Variants in GSPT1 observed in about 807,000 individuals in gnomAD.
The protein encoded by GSPT1 is G1 to S phase transition 1, also known as eukaryotic peptide chain release factor GTP-binding subunit ERF3A.
In GSPT1, 20 loss-of-function variants were observed where a neutral mutation model predicts 72.5. The ratio of observed to expected loss-of-function variants is 0.28; its 90% CI spans 0.19 to 0.40. The LOEUF (loss-of-function observed/expected upper bound fraction) is 0.40. GSPT1 is among the 10% of genes least tolerant of loss of function. The pLI, the probability that GSPT1 is intolerant of heterozygous loss-of-function variation, is 1.00. For synonymous variants in GSPT1, 334 were observed against 293.5 expected, an observed-to-expected ratio of 1.14 and a Z score of -1.41; for missense variants, 580 against 811.9, an observed-to-expected ratio of 0.71 and a Z score of 3.47.
intron 1 of GSPT1, among the ~76,000 whole-genome samples, chr16:11,905,769 A>AG (rs1304821595): frequency 6.6e-6 from 1 of 152,070 alleles, no homozygotes; most frequent in African/African-American, 2.4e-5. Flanking sequence ...GGGGAGGTGG[A>AG]GGTTGCAGTG....
chr16:11,880,754 G>C (rs143794592), intron 11 of GSPT1, among the ~76,000 whole-genome samples: 4 of 152,234 alleles, frequency 2.6e-5, no homozygotes, highest in African/African-American at 7.2e-5. Context: ...TTTTGAATTG[G>C]GTTGTTCAGG....
At chr16:11,888,897 A>G (rs1392465585) in intron 6 of GSPT1, among the ~76,000 whole-genome samples, 1 of 152,218 alleles carries the variant, frequency 6.6e-6, no homozygotes, top group Non-Finnish European at 1.5e-5. Flanking sequence ...ACTAACTACA[A>G]ATGCCAATAT....
intron 14 of GSPT1, among the ~76,000 whole-genome samples, chr16:11,875,026 C>CT (rs1244709772): frequency 3.9e-5 from 6 of 151,950 alleles, no homozygotes; most frequent in African/African-American, 1.2e-4. Flanking sequence ...CCCGTCTCTA[C>CT]AAAAATACAA....
At position 11,915,938 on chromosome 16, in the gene GSPT1, C is replaced by T. The variant is rs752106165; in HGVS notation, c.-218G>A. On this transcript the variant is annotated 5_prime_UTR_variant, in exon 1 of 15. Coordinates refer to ENST00000434724, the MANE Select transcript of GSPT1 (RefSeq NM_002094.4). ...GCGGCGGCGGCGGCAGCTCAACCCT[C>T]CTCCTCGTGTGTGTGAGCGGATCTC... is the stretch of plus-strand genomic sequence containing the variant. 12 of 751,462 alleles carry T rather than the reference C, an allele frequency of 1.6e-5. No individual in the cohort carries two copies. The highest frequency in any genetic ancestry group is 1.5e-4 in the South Asian group (11 of 73,894). 46.5% of individuals were successfully genotyped at this position (751,462 alleles called of 1,614,324 possible). A position where few individuals can be genotyped will look rare whatever the true frequency, so the allele number is the denominator to read the frequency against.
chr16:11,892,878 A>ACCTT (rs1304658722), intron 5 of GSPT1, among the ~76,000 whole-genome samples: 53 of 151,102 alleles, frequency 3.5e-4, no homozygotes, highest in African/African-American at 1.2e-3. Context: ...GAAAACAATA[A>ACCTT]CCTTATAGTG....
chr16:11,894,829 T>C (rs1157029785), intron 5 of GSPT1, 125 bp downstream of exon 5: 8 of 616,596 alleles, frequency 1.3e-5, no homozygotes, highest in Non-Finnish European at 2.4e-5. Context: ...TCCCAGTAAT[T>C]TTATTTTTAA....
At chr16:11,887,905 C>G (rs973583864) in intron 6 of GSPT1, among the ~76,000 whole-genome samples, 155 bp from the exon 7 acceptor site, 1 of 152,214 alleles carries the variant, frequency 6.6e-6, no homozygotes, top group Non-Finnish European at 1.5e-5. Context: ...TGGCTCACAT[C>G]TGTAATCTGA....
At chr16:11,911,962 G>A (rs2150894087) in intron 1 of GSPT1, among the ~76,000 whole-genome samples, 1 of 137,170 alleles carries the variant, frequency 7.3e-6, no homozygotes, top group East Asian at 2.1e-4. Context: ...CAGAGTGTTG[G>A]GTTTATAAGT....
At chr16:11,907,425 A>G (rs2054503307) in intron 1 of GSPT1, among the ~76,000 whole-genome samples, 1 of 152,204 alleles carries the variant, frequency 6.6e-6, no homozygotes, top group African/African-American at 2.4e-5. Context: ...ACCTCAAGAG[A>G]ATGTTGTGAA....
At chr16:11,903,464 G>A (rs1282236476) in intron 1 of GSPT1, among the ~76,000 whole-genome samples, 2 of 152,138 alleles carry the variant, frequency 1.3e-5, no homozygotes, top group Non-Finnish European at 2.9e-5. Flanking sequence ...GCAGTGAGCC[G>A]AGATTGCACC....
chr16:11,893,185 A>G (rs894846503), intron 5 of GSPT1, among the ~76,000 whole-genome samples: 3 of 152,116 alleles, frequency 2.0e-5, no homozygotes, highest in African/African-American at 7.2e-5. Context: ...AGTTGAGCAC[A>G]GGAATTTGAA....
chr16:11,880,691 T>C (rs60924385), intron 11 of GSPT1, among the ~76,000 whole-genome samples: 7,699 of 152,310 alleles, frequency 0.051, 664 homozygotes, highest in African/African-American at 0.18. Flanking sequence ...ATGTACTTTT[T>C]GGCTGTTTGT....
At position 11,871,964 on chromosome 16, in the gene GSPT1, T is replaced by TA. The variant is rs1233692282; in HGVS notation, c.*1154dup. The TA allele has an allele frequency of 6.6e-6, 1 of 152,218 alleles. No homozygotes were observed. The highest frequency in any genetic ancestry group is 1.5e-5 in the Non-Finnish European group (1 of 68,036). 9.4% of individuals were successfully genotyped at this position (152,218 alleles called of 1,614,324 possible). On this transcript the variant is annotated 3_prime_UTR_variant, in exon 15 of 15. Transcript: ENST00000434724. ...AATTTCAAATAATTGAGATAAAACT[T>TA]ATACCCTGCTTGATTCTGCTTATCG...
chr16:11,914,167 C>T (rs1455654192), intron 1 of GSPT1, among the ~76,000 whole-genome samples: 1 of 152,218 alleles, frequency 6.6e-6, no homozygotes, highest in Non-Finnish European at 1.5e-5. Context: ...GGACGTTCAG[C>T]CTTTTCCTTC....
At position 11,872,360 on chromosome 16, in the gene GSPT1, T is replaced by C. The variant is rs1025701694; in HGVS notation, c.*759A>G. 1.3e-5 allele frequency: 2 copies of C among 148,232 alleles called. No homozygotes were observed. Among genetic ancestry groups the C allele is most frequent in the Non-Finnish European group, 3.0e-5 (2 of 67,358 alleles). 9.2% of individuals were successfully genotyped at this position (148,232 alleles called of 1,614,324 possible). On this transcript the variant is annotated 3_prime_UTR_variant, in exon 15 of 15. Transcript: ENST00000434724. ...AAAACAACTTACTGTGTTCAAGAAATCATGTTACAATATAAATTGGCAAAA... is the reference window on the plus strand; with the variant it reads ...AAAACAACTTACTGTGTTCAAGAAACCATGTTACAATATAAATTGGCAAAA...
At position 11,886,453 on chromosome 16, in the gene GSPT1, G is replaced by A; in HGVS notation, c.1253+18C>T. 6.3e-7 allele frequency: 1 copy of A among 1,578,124 alleles called. No individual in the cohort carries two copies. On this transcript the variant is annotated intron_variant, in intron 9 of 14. Transcript: ENST00000434724. ...ACATCCTTTTCCTTTTTAAAAAAAG[G>A]AAAAAACAGTTACTTACATGTACCA...
intron 6 of GSPT1, among the ~76,000 whole-genome samples, chr16:11,890,613 TTGAC>T (rs1476235108): frequency 2.0e-5 from 3 of 152,128 alleles, no homozygotes; most frequent in Admixed American, 6.6e-5. Context: ...AACAAAAAAG[TTGAC>T]TGTCTCACCA....
chr16:11,903,633 G>T (rs33629), intron 1 of GSPT1, among the ~76,000 whole-genome samples: 1 of 152,048 alleles, frequency 6.6e-6, no homozygotes, highest in Non-Finnish European at 1.5e-5. Flanking sequence ...GGAGGCTGCA[G>T]TGAACCAAGA....
rs994177306 is a variant in GSPT1 at position 11,870,844 on chromosome 16, G to T, written c.*2275C>A. On this transcript the variant is annotated 3_prime_UTR_variant, in exon 15 of 15. Coordinates refer to ENST00000434724, the MANE Select transcript of GSPT1 (RefSeq NM_002094.4). Reference sequence around the variant, plus strand: ...TTGTATGACCTGTTACTTTTTAGAGGTAGGCCCTTCACAGTTGATATCCAA... The same window carrying T: ...TTGTATGACCTGTTACTTTTTAGAGTTAGGCCCTTCACAGTTGATATCCAA... 1 of 152,158 alleles carries T rather than the reference G, an allele frequency of 6.6e-6. No individual in the cohort carries two copies. The highest frequency in any genetic ancestry group is 2.4e-5 in the African/African-American group (1 of 41,428). 9.4% of individuals were successfully genotyped at this position (152,158 alleles called of 1,614,324 possible).
Sources: allele counts gnomAD v4.1 joint callset (sites outside exome capture counted in the v4.1 genomes callset), GRCh38; gene constraint gnomAD v4.1.1; transcripts MANE v1.5; gene names NCBI Gene and HGNC (gene_info 2026-07-23, HGNC 2026-07-21).